REV3L: variants seen among roughly 807,000 people sequenced by gnomAD.
The protein encoded by REV3L is REV3 like, DNA directed polymerase zeta catalytic subunit, also known as DNA polymerase zeta catalytic subunit.
REV3L carries 69 observed loss-of-function variants against 299.4 expected under a neutral mutation model. The ratio of observed to expected loss-of-function variants is 0.23; its 90% CI spans 0.19 to 0.28. The LOEUF (loss-of-function observed/expected upper bound fraction) is 0.28, where lower values mean the gene tolerates loss of function less well. Among genes scored for constraint, REV3L ranks in the 10% least tolerant of loss-of-function variants. REV3L has a pLI of 1.00. For missense variants in REV3L, 3,128 were observed against 3,693.8 expected (o/e 0.85, Z 3.97); for synonymous variants, 1,238 against 1,271.4 (o/e 0.97, Z 0.56).
At chr6:111,357,361 C>G (rs2114977620) in intron 17 of REV3L, among the ~76,000 whole-genome samples, 1 of 152,190 alleles carries the variant, frequency 6.6e-6, no homozygotes, top group South Asian at 2.1e-4. Flanking sequence ...TTCAGCTATT[C>G]TCCTGAAAAG....
In REV3L at chr6:111,299,976, C is replaced by G. The variant is rs377518998; in HGVS notation, c.*40G>C. The G allele has an allele frequency of 1.0e-5, 16 of 1,585,116 alleles. No homozygotes were observed. Among genetic ancestry groups the G allele is most frequent in the Non-Finnish European group, 1.4e-5 (16 of 1,166,156 alleles). ...ATGCACAACAGTTTAGTGGTAAGCA[C>G]TGAAAAAAATAGCACCTGTAATACT... is the stretch of plus-strand genomic sequence containing the variant. On this transcript the variant is annotated 3_prime_UTR_variant, in exon 32 of 32. Coordinates refer to ENST00000368802, the MANE Select transcript of REV3L (RefSeq NM_001372078.1).
At chr6:111,323,860 A>G (rs17511363) in intron 25 of REV3L, among the ~76,000 whole-genome samples, 3,435 of 152,308 alleles carry the variant, frequency 0.023, 133 homozygotes, top group African/African-American at 0.079. Context: ...TAAAATTTGA[A>G]TTACTAAATA....
chr6:111,392,762 G>A, intron 5 of REV3L, 114 bp downstream of exon 5: 2 of 645,892 alleles, frequency 3.1e-6, no homozygotes, highest in Admixed American at 2.6e-5. Context: ...TAAGTGTATA[G>A]ATTAAAAAGA....
intron 1 of REV3L, among the ~76,000 whole-genome samples, chr6:111,481,325 G>T (rs1793612877): frequency 6.6e-6 from 1 of 152,096 alleles, no homozygotes. Context: ...ATTTAAAAGG[G>T]CAGAAAACCT....
At chr6:111,300,859 T>C (rs1245117140) in intron 31 of REV3L, among the ~76,000 whole-genome samples, 3 of 152,166 alleles carry the variant, frequency 2.0e-5, no homozygotes, top group Non-Finnish European at 2.9e-5. Flanking sequence ...AAAGCATGTG[T>C]GTTTGAACAA....
Position 111,374,917 on chromosome 6 carries a change from C to T in REV3L, c.3438G>A (p.Glu1146=). The part of the protein sequence containing the change: ...AEEIMAAAEK[E]AMLFKGPNVY... ...CATTAGGACCCTTAAAAAGCATTGC[C>T]TCTTTTTCTGCAGCAGCCATGATTT... The change falls in exon 13 of 32, where the codon GAG becomes GAA. Residue 1146 remains glutamate (E), a synonymous_variant. Coordinates refer to ENST00000368802, the MANE Select transcript of REV3L (RefSeq NM_001372078.1). The T allele has an allele frequency of 5.0e-6, 8 of 1,613,052 alleles. No individual in the cohort carries two copies. Among genetic ancestry groups the T allele is most frequent in the Non-Finnish European group, 5.1e-6 (6 of 1,179,706 alleles).
intron 20 of REV3L, among the ~76,000 whole-genome samples, chr6:111,345,807 T>C (rs1387504401): frequency 6.6e-6 from 1 of 151,760 alleles, no homozygotes. Context: ...AGCAAATCCA[T>C]AACCCTTTGT....
At chr6:111,445,697 G>A (rs1326711320) in intron 1 of REV3L, among the ~76,000 whole-genome samples, 1 of 152,132 alleles carries the variant, frequency 6.6e-6, no homozygotes, top group Non-Finnish European at 1.5e-5. Flanking sequence ...GAAACAAAAT[G>A]CTTAGGGAGC....
chr6:111,448,995 G>C (rs1363349714), intron 1 of REV3L, among the ~76,000 whole-genome samples: 2 of 151,978 alleles, frequency 1.3e-5, no homozygotes, highest in Admixed American at 6.6e-5. Flanking sequence ...AGAGCTTGTG[G>C]TCTTTGCAAA....
In REV3L at chr6:111,307,123, G is replaced by C. The variant is rs553771591; in HGVS notation, c.9252+238C>G. ...AGAAATTGGATGGATGGCCATTCTT[G>C]TTGTAGCTATTAAGAAACACAACAC... On this transcript the variant is annotated intron_variant, in intron 31 of 31. Coordinates refer to ENST00000368802, the MANE Select transcript of REV3L (RefSeq NM_001372078.1). Among the ~76,000 whole-genome samples, 15 of 152,028 alleles carry C rather than the reference G, an allele frequency of 9.9e-5. 1 individual carries two copies. In the South Asian group the frequency reaches 2.3e-3, roughly 23 times the overall value.
At chr6:111,377,483 T>C (rs1367320396) in intron 12 of REV3L, among the ~76,000 whole-genome samples, 1 of 152,048 alleles carries the variant, frequency 6.6e-6, no homozygotes, top group African/African-American at 2.4e-5. Context: ...ACTACAGGCA[T>C]GTATCACTAT....
At chr6:111,453,182 G>A (rs1789754997) in intron 1 of REV3L, among the ~76,000 whole-genome samples, 1 of 152,054 alleles carries the variant, frequency 6.6e-6, no homozygotes, top group Admixed American at 6.5e-5. Context: ...CACCATCCCA[G>A]ACCTACTCCA....
intron 20 of REV3L, among the ~76,000 whole-genome samples, chr6:111,348,302 T>A (rs1332873565): frequency 2.0e-5 from 3 of 152,186 alleles, no homozygotes; most frequent in Non-Finnish European, 2.9e-5. Context: ...GATGCAAATA[T>A]TACCCAGGAA....
intron 1 of REV3L, among the ~76,000 whole-genome samples, chr6:111,437,866 T>A (rs1476105341): frequency 1.3e-5 from 2 of 152,098 alleles, no homozygotes; most frequent in African/African-American, 2.4e-5. Context: ...ACATAATTTT[T>A]TTTTTGAGAC....
chr6:111,388,750 G>A (rs1276280413), intron 7 of REV3L, among the ~76,000 whole-genome samples: 1 of 152,176 alleles, frequency 6.6e-6, no homozygotes, highest in East Asian at 1.9e-4. Context: ...GTATTAAACA[G>A]TGTTTCTAAG....
chr6:111,430,906 A>C, intron 1 of REV3L: 1 of 1,604,508 alleles, frequency 6.2e-7, no homozygotes, highest in Non-Finnish European at 8.5e-7. Context: ...ATCTCATTGT[A>C]GGAGAGCCAG....
chr6:111,333,978 G>T (rs891190620), intron 22 of REV3L, among the ~76,000 whole-genome samples: 1 of 152,000 alleles, frequency 6.6e-6, no homozygotes, highest in Admixed American at 6.5e-5. Flanking sequence ...TCGCTCTGTT[G>T]TCCAGGCTAG....
chr6:111,348,797 G>A (rs1244434033), intron 20 of REV3L, among the ~76,000 whole-genome samples: 1 of 152,168 alleles, frequency 6.6e-6, no homozygotes, highest in African/African-American at 2.4e-5. Context: ...CCACAGGCAT[G>A]CGCCTCCACA....
intron 1 of REV3L, chr6:111,471,979 ACCC>A: frequency 1.0e-6 from 1 of 964,950 alleles, no homozygotes; most frequent in Non-Finnish European, 1.3e-6. Context: ...CACCCCCCTC[ACCC>A]CCAATATATT....
Sources: gnomAD v4.1 joint callset for allele counts (sites outside exome capture counted in the v4.1 genomes callset) on GRCh38, gnomAD v4.1.1 for gene constraint, MANE v1.5 for transcripts, NCBI Gene and HGNC (gene_info 2026-07-23, HGNC 2026-07-21) for gene names.